The following CPNE4 variants were observed in gnomAD, a reference collection of about 807,000 sequenced individuals.
The protein encoded by CPNE4 is copine 4.
Under a neutral mutation model 67.9 loss-of-function variants are expected in CPNE4, and 25 were observed. The observed-to-expected ratio is 0.37, with a 90% CI of 0.27 to 0.51. The LOEUF is 0.51. Among genes scored for constraint, CPNE4 ranks in the 20% least tolerant of loss-of-function variants. CPNE4 has a pLI of 0.93. For synonymous variants in CPNE4, 242 were observed against 244.9 expected, an observed-to-expected ratio of 0.99 and a Z score of 0.11; for missense variants, 464 against 690.8, an observed-to-expected ratio of 0.67 and a Z score of 3.68.
chr3:131,709,788 G>C (rs1207642722), intron 3 of CPNE4, among the ~76,000 whole-genome samples: 2 of 152,164 alleles, frequency 1.3e-5, no homozygotes, highest in African/African-American at 4.8e-5. Context: ...TTCAGCATAG[G>C]GTCTGGCAGA....
intron 1 of CPNE4, among the ~76,000 whole-genome samples, chr3:131,952,238 G>A (rs1234721011): frequency 3.3e-5 from 5 of 150,544 alleles, no homozygotes; most frequent in Admixed American, 6.6e-5. Context: ...TGTGAGGAGC[G>A]CCTCTGCCCG....
At chr3:131,811,843 A>G (rs2084539917) in intron 2 of CPNE4, among the ~76,000 whole-genome samples, 1 of 152,180 alleles carries the variant, frequency 6.6e-6, no homozygotes, top group Non-Finnish European at 1.5e-5. Context: ...TAACCTCTTC[A>G]TCTTCATGTG....
intron 10 of CPNE4, among the ~76,000 whole-genome samples, chr3:131,570,793 C>G (rs1937299462): frequency 6.6e-6 from 1 of 152,044 alleles, no homozygotes; most frequent in Non-Finnish European, 1.5e-5. Flanking sequence ...GTATCAAATT[C>G]TCAAGTGTTC....
chr3:131,737,115 C>CTTTTTTTTTTTTTTTCTT (rs2082254510), intron 2 of CPNE4, among the ~76,000 whole-genome samples: 2 of 49,362 alleles, frequency 4.1e-5, no homozygotes, highest in Non-Finnish European at 7.3e-5. Context: ...AGTATTGTGT[C>CTTTTTTTTTTTTTTTCTT]TTTTTTTTTT....
At chr3:131,884,006 C>T (rs1002105116) in intron 2 of CPNE4, among the ~76,000 whole-genome samples, 2 of 152,144 alleles carry the variant, frequency 1.3e-5, no homozygotes, top group Admixed American at 1.3e-4. Flanking sequence ...AATTTTTAAA[C>T]AAGCCCCCCT....
At chr3:132,029,434 TATGG>T (rs2074190863) in intron 1 of CPNE4, among the ~76,000 whole-genome samples, 3 of 152,152 alleles carry the variant, frequency 2.0e-5, no homozygotes. Flanking sequence ...AAGCCCTGCT[TATGG>T]GTCCCGGAGG....
intron 7 of CPNE4, among the ~76,000 whole-genome samples, chr3:131,662,182 G>A (rs1047456936): frequency 2.0e-5 from 3 of 152,174 alleles, no homozygotes; most frequent in Non-Finnish European, 4.4e-5. Flanking sequence ...GTCACATGAG[G>A]CTGGGAATAA....
At chr3:131,553,212 T>C (rs1936278889) in intron 12 of CPNE4, among the ~76,000 whole-genome samples, 1 of 152,154 alleles carries the variant, frequency 6.6e-6, no homozygotes, top group Non-Finnish European at 1.5e-5. Flanking sequence ...TGGTATTTTA[T>C]GGAGAATTTC....
At chr3:131,541,055 C>T (rs1390060579) in intron 15 of CPNE4, among the ~76,000 whole-genome samples, 1 of 152,190 alleles carries the variant, frequency 6.6e-6, no homozygotes, top group Non-Finnish European at 1.5e-5. Flanking sequence ...GCATCTGCAG[C>T]AGTGCAGAGG....
chr3:131,810,888 C>T (rs941152123), intron 2 of CPNE4, among the ~76,000 whole-genome samples: 1 of 151,954 alleles, frequency 6.6e-6, no homozygotes, highest in Non-Finnish European at 1.5e-5. Flanking sequence ...TTGTGACAAC[C>T]TTGATAGACC....
chr3:131,711,811 C>T (rs1210550393), intron 3 of CPNE4, among the ~76,000 whole-genome samples: 1 of 152,162 alleles, frequency 6.6e-6, no homozygotes, highest in Non-Finnish European at 1.5e-5. Context: ...GGAGTCTAGA[C>T]TTTGGAGGAA....
chr3:131,636,983 G>A (rs771641797), intron 7 of CPNE4, among the ~76,000 whole-genome samples: 1 of 152,220 alleles, frequency 6.6e-6, no homozygotes, highest in Non-Finnish European at 1.5e-5. Context: ...ATTCCTAGGG[G>A]AAAAGGGAGA....
chr3:131,797,446 G>A (rs1033775560), intron 2 of CPNE4, among the ~76,000 whole-genome samples: 1 of 152,080 alleles, frequency 6.6e-6, no homozygotes, highest in African/African-American at 2.4e-5. Context: ...CCCAGAGTGT[G>A]GCCAAAAGTG....
intron 2 of CPNE4, among the ~76,000 whole-genome samples, chr3:131,834,411 A>G (rs1460363527): frequency 6.6e-6 from 1 of 152,156 alleles, no homozygotes; most frequent in Non-Finnish European, 1.5e-5. Context: ...GAGAAGTTAG[A>G]CTTTATTTTC....
At chr3:131,792,666 TATATACATATATAC>T (rs1560322147) in intron 2 of CPNE4, among the ~76,000 whole-genome samples, 13 of 71,212 alleles carry the variant, frequency 1.8e-4, no homozygotes, top group Admixed American at 5.4e-4. Context: ...CACACGTGTA[TATATACATATATAC>T]ACACGTGTAT....
At chr3:131,827,726 T>A (rs1583280129) in intron 2 of CPNE4, among the ~76,000 whole-genome samples, 1 of 152,170 alleles carries the variant, frequency 6.6e-6, no homozygotes, top group East Asian at 1.9e-4. Flanking sequence ...GAAAGTATGC[T>A]TTTTAAGTTG....
At chr3:132,016,816 ACT>A (rs1357609011) in intron 1 of CPNE4, among the ~76,000 whole-genome samples, 2 of 152,162 alleles carry the variant, frequency 1.3e-5, no homozygotes, top group Non-Finnish European at 2.9e-5. Context: ...TCATATTCAC[ACT>A]GTCTTGCATC....
chr3:131,926,308 TA>T (rs1347825093), intron 1 of CPNE4, among the ~76,000 whole-genome samples: 1 of 152,000 alleles, frequency 6.6e-6, no homozygotes, highest in Non-Finnish European at 1.5e-5. Context: ...ACAAGCATTG[TA>T]AAAAAACAAA....
intron 1 of CPNE4, among the ~76,000 whole-genome samples, chr3:131,995,901 G>A (rs2073278808): frequency 6.6e-6 from 1 of 152,156 alleles, no homozygotes; most frequent in Non-Finnish European, 1.5e-5. Flanking sequence ...CGAACTTGCA[G>A]TATTTCATTA....
Sources: allele counts gnomAD v4.1 joint callset (sites outside exome capture counted in the v4.1 genomes callset), GRCh38; gene constraint gnomAD v4.1.1; transcripts MANE v1.5; gene names NCBI Gene and HGNC (gene_info 2026-07-23, HGNC 2026-07-21).